The following HLA-F variants were observed in gnomAD, a reference collection of about 807,000 sequenced individuals.
The protein encoded by HLA-F is HLA class I histocompatibility antigen, alpha chain F.
A neutral mutation model predicts 49.5 loss-of-function variants in HLA-F; 46 were observed. The observed-to-expected ratio is 0.93, with a 90% CI of 0.73 to 1.19. The LOEUF (loss-of-function observed/expected upper bound fraction) is 1.19. Ranked by LOEUF, HLA-F falls within the 50% of genes most tolerant of loss-of-function variation. The pLI is 0.00. For synonymous variants in HLA-F, 203 were observed against 233.5 expected (o/e 0.87, Z 1.19); for missense variants, 496 against 579.6 (o/e 0.86, Z 1.48).
At chr6:29,736,452 A>G (rs1377309904) in intron 3 of HLA-F, 2 of 450,330 alleles carry the variant, frequency 4.4e-6, no homozygotes, top group Admixed American at 4.9e-5. Flanking sequence ...ATTCTATATT[A>G]GCTTAGAGAG....
chr6:29,727,576 A>G (rs768686434), downstream of HLA-F, among the ~76,000 whole-genome samples: 3 of 152,142 alleles, frequency 2.0e-5, no homozygotes, highest in Non-Finnish European at 2.9e-5. Context: ...ATGCCTCCTA[A>G]GGACCTATGT....
chr6:29,725,189 G>T lies in HLA-F; in HGVS notation c.769G>T (p.Ala257Ser). Residue 257 changes from alanine (A) to serine (S), a missense_variant, in exon 4 of 7, where the codon GCA becomes TCA. Ala to Ser is a moderately conservative substitution (Grantham distance 99). Transcript: ENST00000259951. ...QDTELVETRP[A>S]GDGTFQKWAA... ...CACAGAGCTTGTGGAGACCAGGCCT[G>T]CAGGGGATGGAACCTTCCAGAAGTG... is the stretch of plus-strand genomic sequence containing the variant. The T allele has an allele frequency of 1.2e-6, 2 of 1,614,166 alleles. No individual in the cohort carries two copies. Among genetic ancestry groups the T allele is most frequent in the East Asian group, 2.2e-5 (1 of 44,878 alleles).
At chr6:29,726,473 C>T (rs775501761) in intron 6 of HLA-F, 35 of 1,596,138 alleles carry the variant, frequency 2.2e-5, no homozygotes, top group Non-Finnish European at 2.7e-5. Context: ...TTGTGCCTCA[C>T]GAACATACAT....
chr6:29,727,275 A>G lies in HLA-F; in HGVS notation c.*100A>G. 1.5e-6 allele frequency: 1 copy of G among 689,184 alleles called. No homozygotes were observed. Among genetic ancestry groups the G allele is most frequent in the Non-Finnish European group, 2.4e-6 (1 of 423,792 alleles). The allele number at this position is 689,184 out of a possible 1,614,324, so 42.7% of individuals were successfully genotyped here. A position where few individuals can be genotyped will look rare whatever the true frequency, so the allele number is the denominator to read the frequency against. The stretch of plus-strand genomic sequence containing the variant: ...GAACCAACATTATCACACCAAAGAA[A>G]ATAAATAATTCCATAATATTATTTA... On this transcript the variant is annotated 3_prime_UTR_variant, in exon 7 of 7. Transcript: ENST00000259951.
Position 29,724,133 on chromosome 6 carries a change from C to A in HLA-F, c.335-40C>A, listed in dbSNP as rs1270326006. ...CCCCGCGGGTTGGGCGGGGAGGGGG[C>A]GGGGCTAGCTGGGCGGGGCTGACTG... is the stretch of plus-strand genomic sequence containing the variant. On this transcript the variant is annotated intron_variant, in intron 2 of 6. Transcript: ENST00000259951. 6 of 1,608,554 alleles carry A rather than the reference C, an allele frequency of 3.7e-6. No homozygotes were observed. In the African/African-American group the frequency reaches 5.3e-5, roughly 14 times the overall value.
rs759073818 is a variant in HLA-F, at chr6:29,723,448, C to G, written c.-16C>G. 1.2e-6 allele frequency: 2 copies of G among 1,613,220 alleles called. 1 individual carries two copies. The highest frequency in any genetic ancestry group is 2.2e-5 in the South Asian group (2 of 91,068). ...CCGCGGGACTCATATTTTTCCCAGA[C>G]GCGGAGGTTGGGGTCATGGCGCCCC... On this transcript the variant is annotated 5_prime_UTR_variant, in exon 1 of 7. Coordinates refer to ENST00000259951, the MANE Select transcript of HLA-F (RefSeq NM_001098479.2).
At chr6:29,723,605 G>A in intron 1 of HLA-F, 53 bp from the exon 2 acceptor site, 1 of 1,600,196 alleles carries the variant, frequency 6.2e-7, no homozygotes, top group South Asian at 1.1e-5. Context: ...CAGGACTCAG[G>A]GAGCCGCCTC....
downstream of HLA-F, among the ~76,000 whole-genome samples, chr6:29,731,527 G>GAA: frequency 1.9e-5 from 2 of 105,268 alleles, no homozygotes; most frequent in Non-Finnish European, 3.8e-5. Context: ...CCCAGATTGA[G>GAA]AGAGAGAGAG....
downstream of HLA-F, among the ~76,000 whole-genome samples, chr6:29,732,159 G>A (rs1442822027): frequency 1.3e-5 from 2 of 151,690 alleles, no homozygotes; most frequent in Non-Finnish European, 2.9e-5. Context: ...TGTAGAGACA[G>A]GATTTTGCCA....
chr6:29,726,167 G>C, intron 6 of HLA-F, 124 bp downstream of exon 6: 1 of 1,062,188 alleles, frequency 9.4e-7, no homozygotes, highest in Non-Finnish European at 1.5e-6. Context: ...TCCTGTTTTT[G>C]TTCTACCCCA....
In HLA-F at chr6:29,737,218, C is replaced by CAAAAAAAAAAA. The variant is rs3030698; in HGVS notation, c.404-891_404-881dup. ...GATATAGTACCATCAATCCTCATGGCAAAAAAAAAAAAAAAAAAAAAAACC... is the reference window on the plus strand; with the variant it reads ...GATATAGTACCATCAATCCTCATGGCAAAAAAAAAAAAAAAAAAAAAAAAAAAAAAAAAACC... On this transcript the variant is annotated intron_variant, in intron 3 of 4. Transcript: ENST00000465459. Among the ~76,000 whole-genome samples, 196 of 65,184 alleles carry CAAAAAAAAAAA rather than the reference C, an allele frequency of 3.0e-3. 8 individuals carry two copies. Among genetic ancestry groups the CAAAAAAAAAAA allele is most frequent in the African/African-American group, 0.01 (142 of 13,562 alleles). The allele number at this position is 65,184 out of a possible 152,430, so 42.8% of individuals were successfully genotyped here.
chr6:29,729,829 G>A (rs1776409632), downstream of HLA-F, among the ~76,000 whole-genome samples: 2 of 152,272 alleles, frequency 1.3e-5, no homozygotes, highest in Admixed American at 6.5e-5. Context: ...TCAAAAATGA[G>A]TGAACAACAT....
At position 29,725,289 on chromosome 6, in the gene HLA-F, C is replaced by T. The variant is rs747839832; in HGVS notation, c.869C>T (p.Pro290Leu). 6.2e-7 allele frequency: 1 copy of T among 1,614,040 alleles called. No homozygotes were observed. The highest frequency in any genetic ancestry group is 1.7e-5 in the Admixed American group (1 of 60,010). The change falls in exon 4 of 7, where the codon CCC (proline) becomes CTC (leucine). Residue 290 changes from proline to leucine, a missense_variant. Pro to Leu is a moderately conservative substitution (Grantham distance 98). Transcript: ENST00000259951. ...CHVQHEGLPQ[P>L]LILRWEQSPQ... Reference sequence around the variant, plus strand: ...GTGCAGCACGAGGGGCTGCCCCAGCCCCTCATCCTGAGATGGGGTAAGGAG... The same window carrying T: ...GTGCAGCACGAGGGGCTGCCCCAGCTCCTCATCCTGAGATGGGGTAAGGAG...
Position 29,723,918 on chromosome 6 carries a change from A to G in HLA-F, c.325A>G (p.Ser109Gly), listed in dbSNP as rs1775664990. ...LRNLLRRYNQ[S>G]EAGSHTLQGM... ...GAACCTGCTCCGCCGCTACAACCAG[A>G]GCGAGGCTGGTGAGTGAACCCGGCC... The change falls in exon 2 of 7, where the codon AGC becomes GGC. Residue 109 changes from serine to glycine, a missense_variant. Coordinates refer to ENST00000259951, the MANE Select transcript of HLA-F (RefSeq NM_001098479.2). 2 of 1,595,756 alleles carry G rather than the reference A, an allele frequency of 1.3e-6. No individual in the cohort carries two copies. Among genetic ancestry groups the G allele is most frequent in the African/African-American group, 1.3e-5 (1 of 74,410 alleles).
chr6:29,727,636 C>T (rs571734129), downstream of HLA-F, among the ~76,000 whole-genome samples: 157 of 152,254 alleles, frequency 1.0e-3, no homozygotes, highest in African/African-American at 3.6e-3. Flanking sequence ...GAGCTGTGAC[C>T]GCACATTCAT....
At chr6:29,725,619 G>C in intron 5 of HLA-F, 56 bp downstream of exon 5, 6 of 1,410,234 alleles carry the variant, frequency 4.3e-6, no homozygotes, top group African/African-American at 1.4e-5. Flanking sequence ...GGGGTTGCAA[G>C]CCCCAAGTAG....
At position 29,724,400 on chromosome 6, in the gene HLA-F, T is replaced by A. The variant is rs746506472; in HGVS notation, c.562T>A (p.Leu188Met). The change falls in exon 3 of 7, where the codon TTG (leucine) becomes ATG (methionine). Residue 188 changes from leucine to methionine, a missense_variant. By Grantham distance (15) the Leu-to-Met change is conservative. Coordinates refer to ENST00000259951, the MANE Select transcript of HLA-F (RefSeq NM_001098479.2). ...CTACCTGGAGGGCGAGTGCCTGGAG[T>A]TGCTCCGCAGATACTTGGAGAATGG... ...RTYLEGECLELLRRYLENGKE... is the reference protein window; with the variant it reads ...RTYLEGECLEMLRRYLENGKE... 2.5e-6 allele frequency: 4 copies of A among 1,612,874 alleles called. No homozygotes were observed. In the African/African-American group the frequency reaches 5.3e-5, roughly 22 times the overall value.
downstream of HLA-F, chr6:29,727,930 T>C (rs773280878): frequency 5.8e-6 from 3 of 517,880 alleles, no homozygotes; most frequent in Non-Finnish European, 1.2e-5. Context: ...GCTTTGTATC[T>C]ACTTCCGGAT....
intron 3 of HLA-F, among the ~76,000 whole-genome samples, chr6:29,732,459 T>C (rs1186856101): frequency 6.6e-6 from 1 of 152,170 alleles, no homozygotes; most frequent in Non-Finnish European, 1.5e-5. Context: ...TTTAAAAATT[T>C]TTTTAGATGG....
Sources: allele counts gnomAD v4.1 joint callset (sites outside exome capture counted in the v4.1 genomes callset), GRCh38; gene constraint gnomAD v4.1.1; transcripts MANE v1.5; gene names NCBI Gene and HGNC (gene_info 2026-07-23, HGNC 2026-07-21).